Variants in CUX2 observed in about 807,000 individuals in gnomAD.
CUX2 encodes cut like homeobox 2.
CUX2 carries 40 observed loss-of-function variants against 144.8 expected under a neutral mutation model. That is an observed-to-expected ratio of 0.28 (90% CI 0.21 to 0.36). The LOEUF is 0.36. CUX2 is among the 10% of genes least tolerant of loss of function. The pLI is 1.00. For synonymous variants in CUX2, 827 were observed against 875.6 expected (o/e 0.94, Z 0.98); for missense variants, 1,615 against 1,994.0 (o/e 0.81, Z 3.62).
chr12:111,293,187 T>C lies in CUX2; in HGVS notation c.437-259T>C, dbSNP rs2136334419. 6.6e-6 allele frequency among the ~76,000 whole-genome samples: 1 copy of C among 152,186 alleles called. No homozygotes were observed. The highest frequency in any genetic ancestry group is 1.5e-5 in the Non-Finnish European group (1 of 67,988). On this transcript the variant is annotated intron_variant, in intron 5 of 21. Transcript: ENST00000261726. This position sits in a 1 kb window ranked among gnomAD's most constrained non-coding sequence, Gnocchi z 4.5. ...TTATGTGACGTATATTTTACCACAA[T>C]TTTAAAAGTATAATAAAGCAGGCCG...
At chr12:111,046,244 T>A (rs1043264312) in intron 1 of CUX2, among the ~76,000 whole-genome samples, 1 of 152,238 alleles carries the variant, frequency 6.6e-6, no homozygotes, top group African/African-American at 2.4e-5. Context: ...TTAGCAAGGC[T>A]GGGCCTGGCT....
intron 1 of CUX2, among the ~76,000 whole-genome samples, chr12:111,143,609 C>G (rs1333488549): frequency 6.6e-6 from 1 of 152,188 alleles, no homozygotes; most frequent in Non-Finnish European, 1.5e-5. Flanking sequence ...TAATAAAACC[C>G]AAAATAGGGA....
chr12:111,252,912 A>G lies in CUX2; in HGVS notation c.223-10849A>G, dbSNP rs182266769. Among the ~76,000 whole-genome samples, 130 of 151,944 alleles carry G rather than the reference A, an allele frequency of 8.6e-4. No homozygotes were observed. The East Asian group carries it at 0.015, about 17-fold the overall frequency. ...CCCCCATCTCTAAATGAATGAATGAATGAATGATTATCCAGTTGTTAAAGC... is the reference window on the plus strand; with the variant it reads ...CCCCCATCTCTAAATGAATGAATGAGTGAATGATTATCCAGTTGTTAAAGC... On this transcript the variant is annotated intron_variant, in intron 3 of 21. Coordinates refer to ENST00000261726, the MANE Select transcript of CUX2 (RefSeq NM_015267.4).
At chr12:111,328,982 T>TCTCTCTCTCTCCCCCCC (rs1887963639) in intron 18 of CUX2, among the ~76,000 whole-genome samples, 1 of 78,224 alleles carries the variant, frequency 1.3e-5, no homozygotes, top group Non-Finnish European at 2.3e-5. Context: ...TCTCCCCCTC[T>TCTCTCTCTCTCCCCCCC]CTCCCTCTCT....
At chr12:111,090,964 G>A (rs1030284572) in intron 1 of CUX2, among the ~76,000 whole-genome samples, 1 of 152,098 alleles carries the variant, frequency 6.6e-6, no homozygotes, top group Non-Finnish European at 1.5e-5. Flanking sequence ...ACTGTGTGCC[G>A]AGGCTCCCTG....
intron 18 of CUX2, among the ~76,000 whole-genome samples, chr12:111,333,775 C>G (rs969704760): frequency 6.6e-6 from 1 of 152,084 alleles, no homozygotes; most frequent in Non-Finnish European, 1.5e-5. Context: ...AGGAGAATCG[C>G]TTGAACCCGG....
rs752758498 is a variant in CUX2, at chr12:111,245,678, G to A, written c.223-18083G>A. 5.9e-5 allele frequency among the ~76,000 whole-genome samples: 9 copies of A among 152,136 alleles called. No homozygotes were observed. The South Asian group carries it at 6.2e-4, about 11-fold the overall frequency. ...AAAGAGAATGAGAAAACAATAAGGA[G>A]CATTCGAGCTAAGAGGTTTTCTCTG... On this transcript the variant is annotated intron_variant, in intron 3 of 21. Transcript: ENST00000261726.
chr12:111,105,508 T>TGC (rs1555269800), intron 1 of CUX2, among the ~76,000 whole-genome samples: 2 of 152,160 alleles, frequency 1.3e-5, no homozygotes, highest in African/African-American at 2.4e-5. Context: ...TGTGTGTGTG[T>TGC]GCTCACGCAC....
chr12:111,176,600 G>A (rs903194777), intron 1 of CUX2, among the ~76,000 whole-genome samples: 3 of 152,120 alleles, frequency 2.0e-5, no homozygotes, highest in African/African-American at 4.8e-5. Flanking sequence ...ACTTTATTCA[G>A]TGCCAGGTTT....
intron 1 of CUX2, among the ~76,000 whole-genome samples, chr12:111,121,504 G>A (rs1203646136): frequency 6.7e-6 from 1 of 149,398 alleles, no homozygotes; most frequent in African/African-American, 2.5e-5. Context: ...AGCCTCCCGA[G>A]TAGCTGGGAC....
At chr12:111,325,503 A>G (rs1887733812) in intron 18 of CUX2, among the ~76,000 whole-genome samples, 1 of 152,092 alleles carries the variant, frequency 6.6e-6, no homozygotes, top group Admixed American at 6.6e-5. Flanking sequence ...TGAGTGGCAG[A>G]CCTAGGATGA....
In CUX2 at chr12:111,322,345, G is replaced by T. The variant is rs539352615; in HGVS notation, c.2767-76G>T. On this transcript the variant is annotated intron_variant, in intron 17 of 21. Transcript: ENST00000261726. This position sits in a 1 kb window ranked among gnomAD's most constrained non-coding sequence, Gnocchi z 4.2. Reference sequence around the variant, plus strand: ...TCAAAAAAAAAAAAAAAAAAAAAAAGGTTGGGGAGGAGAGTGAGGGCCAGG... The same window carrying T: ...TCAAAAAAAAAAAAAAAAAAAAAAATGTTGGGGAGGAGAGTGAGGGCCAGG... The T allele has an allele frequency of 6.1e-4, 616 of 1,011,658 alleles. 2 individuals are homozygous for T. The African/African-American group carries it at 7.1e-3, about 12-fold the overall frequency. 62.7% of individuals were successfully genotyped at this position (1,011,658 alleles called of 1,614,324 possible).
chr12:111,260,026 G>T (rs1020911567), intron 3 of CUX2, among the ~76,000 whole-genome samples: 10 of 151,544 alleles, frequency 6.6e-5, no homozygotes, highest in Non-Finnish European at 1.0e-4. Flanking sequence ...AGCCAGGCGT[G>T]GTGGTGGGCA....
intron 3 of CUX2, among the ~76,000 whole-genome samples, chr12:111,223,682 A>G (rs1341722266): frequency 6.6e-6 from 1 of 152,156 alleles, no homozygotes; most frequent in Admixed American, 6.5e-5. Context: ...AGGAGTGCTG[A>G]GGTACCAGAC....
At chr12:111,070,289 G>A (rs1008157877) in intron 1 of CUX2, among the ~76,000 whole-genome samples, 7 of 152,034 alleles carry the variant, frequency 4.6e-5, no homozygotes, top group African/African-American at 1.2e-4. Context: ...AAATAAAACC[G>A]TTGTTAACAC....
At chr12:111,206,618 G>A (rs1289861477) in intron 1 of CUX2, among the ~76,000 whole-genome samples, 2 of 152,184 alleles carry the variant, frequency 1.3e-5, no homozygotes, top group Non-Finnish European at 2.9e-5. Flanking sequence ...GTTGGTTTCT[G>A]TACACCAGTA....
At chr12:111,233,213 G>A (rs547875203) in intron 3 of CUX2, among the ~76,000 whole-genome samples, 2 of 152,248 alleles carry the variant, frequency 1.3e-5, no homozygotes, top group East Asian at 1.9e-4. Context: ...CTGGCCCCCA[G>A]TCTCTCCATA....
At chr12:111,235,695 C>T (rs529131383) in intron 3 of CUX2, among the ~76,000 whole-genome samples, 3 of 151,580 alleles carry the variant, frequency 2.0e-5, no homozygotes, top group Non-Finnish European at 4.4e-5. Flanking sequence ...CACTCTAGCC[C>T]AGGCAACAGA....
Position 111,293,428 on chromosome 12 carries a change from C to T in CUX2, c.437-18C>T, listed in dbSNP as rs1199742006. The T allele has an allele frequency of 6.3e-7, 1 of 1,596,990 alleles. No individual in the cohort carries two copies. The highest frequency in any genetic ancestry group is 2.3e-5 in the East Asian group (1 of 44,404). ...GCTCTCTTGGCAATGGGGGTTTTCC[C>T]TCTTTTTCTCCCTGCAGAGCAGAGA... On this transcript the variant is annotated intron_variant, in intron 5 of 21. Transcript: ENST00000261726. This position sits in a 1 kb window ranked among gnomAD's most constrained non-coding sequence, Gnocchi z 4.5.
Sources: gnomAD v4.1 joint callset for allele counts (sites outside exome capture counted in the v4.1 genomes callset) on GRCh38, gnomAD v4.1.1 for gene constraint, Gnocchi (gnomAD v3.1) non-coding constraint, MANE v1.5 for transcripts, NCBI Gene and HGNC (gene_info 2026-07-23, HGNC 2026-07-21) for gene names.